Variants in GTF2IRD2B observed in about 807,000 individuals in gnomAD.
The protein encoded by GTF2IRD2B is general transcription factor II-I repeat domain-containing protein 2B.
GTF2IRD2B carries 10 observed loss-of-function variants against 55.6 expected under a neutral mutation model. That is an observed-to-expected ratio of 0.18 (90% CI 0.11 to 0.31). The LOEUF (loss-of-function observed/expected upper bound fraction) is 0.31, where lower values mean the gene tolerates loss of function less well. GTF2IRD2B is among the 10% of genes least tolerant of loss of function. The pLI, the probability that GTF2IRD2B is intolerant of heterozygous loss-of-function variation, is 1.00. For synonymous variants in GTF2IRD2B, 107 were observed against 320.5 expected, an observed-to-expected ratio of 0.33 and a Z score of 7.12; for missense variants, 206 against 802.7, an observed-to-expected ratio of 0.26 and a Z score of 8.98.
Position 75,114,094 on chromosome 7 carries a change from T to TAG in GTF2IRD2B, c.238+1581_238+1582dup, listed in dbSNP as rs781910109. On this transcript the variant is annotated intron_variant, in intron 3 of 15. Coordinates refer to ENST00000472837, the MANE Select transcript of GTF2IRD2B (RefSeq NM_001003795.3). The stretch of plus-strand genomic sequence containing the variant: ...TATATAGATAGATTAGATGAATGGA[T>TAG]AGAGAGAGAGAGAGAGAGAGAGATG... Among the ~76,000 whole-genome samples the TAG allele has an allele frequency of 5.6e-3, 799 of 142,218 alleles. 9 individuals carry two copies. Among genetic ancestry groups the TAG allele is most frequent in the Non-Finnish European group, 7.8e-3 (507 of 64,636 alleles). The allele number at this position is 142,218 out of a possible 152,430, so 93.3% of individuals were successfully genotyped here.
In GTF2IRD2B at chr7:75,149,693, T is replaced by TA. The variant is rs1809270871; in HGVS notation, c.*399dup. 5.1e-6 allele frequency: 1 copy of TA among 194,302 alleles called. No homozygotes were observed. The highest frequency in any genetic ancestry group is 1.0e-5 in the Non-Finnish European group (1 of 96,310). 12.0% of individuals were successfully genotyped at this position (194,302 alleles called of 1,614,324 possible). On this transcript the variant is annotated 3_prime_UTR_variant, in exon 16 of 16. Transcript: ENST00000472837. Reference sequence around the variant, plus strand: ...GTGCCCAGCTGACAAAATGAGTTCTTAAACTTTTTTTTTTTTTCAGTTTTT... The same window carrying TA: ...GTGCCCAGCTGACAAAATGAGTTCTTAAAACTTTTTTTTTTTTTCAGTTTTT...
At chr7:75,105,377 G>A (rs1448736998) in intron 1 of GTF2IRD2B, among the ~76,000 whole-genome samples, 16 of 152,406 alleles carry the variant, frequency 1.0e-4, no homozygotes, top group South Asian at 2.1e-4. Context: ...GGTGGCTCAC[G>A]CCTGCAATCC....
At chr7:75,132,617 C>T (rs1218546870) in intron 8 of GTF2IRD2B, among the ~76,000 whole-genome samples, 3 of 108,776 alleles carry the variant, frequency 2.8e-5, no homozygotes, top group Non-Finnish European at 5.0e-5. Context: ...TGCAGTGGCT[C>T]GATCTCAGCT....
chr7:75,132,521 C>T (rs587744758), intron 8 of GTF2IRD2B, among the ~76,000 whole-genome samples: 12 of 146,628 alleles, frequency 8.2e-5, no homozygotes, highest in African/African-American at 3.2e-4. Context: ...CTTCACGATG[C>T]CTTCCTTCAT....
chr7:75,123,757 A>C (rs1349537252), intron 6 of GTF2IRD2B: 1 of 610,556 alleles, frequency 1.6e-6, no homozygotes, highest in East Asian at 3.8e-5. Context: ...GGGCGCCTGT[A>C]GTCCCAGCTA....
At chr7:75,126,912 G>T (rs1172954121) in intron 8 of GTF2IRD2B, among the ~76,000 whole-genome samples, 5 of 150,102 alleles carry the variant, frequency 3.3e-5, no homozygotes, top group Admixed American at 6.7e-5. Flanking sequence ...CATAAGAATT[G>T]CTTGAGCCCG....
In GTF2IRD2B at chr7:75,092,745, G is replaced by C. The variant is rs1479214343; in HGVS notation, c.-26G>C. 3 of 153,112 alleles carry C rather than the reference G, an allele frequency of 2.0e-5. No individual in the cohort carries two copies. Among genetic ancestry groups the C allele is most frequent in the South Asian group, 3.5e-4 (2 of 5,680 alleles). The allele number at this position is 153,112 out of a possible 1,614,324, so 9.5% of individuals were successfully genotyped here. On this transcript the variant is annotated 5_prime_UTR_variant, in exon 1 of 16. Coordinates refer to ENST00000472837, the MANE Select transcript of GTF2IRD2B (RefSeq NM_001003795.3). Reference sequence around the variant, plus strand: ...AGGCCTCGGACTCCGCGGCCGGCCCGGCGCGGCCCAGCGCCCTCAGGTGCG... The same window carrying C: ...AGGCCTCGGACTCCGCGGCCGGCCCCGCGCGGCCCAGCGCCCTCAGGTGCG...
intron 8 of GTF2IRD2B, among the ~76,000 whole-genome samples, chr7:75,127,492 A>AG (rs1808563659): frequency 7.1e-6 from 1 of 140,282 alleles, no homozygotes; most frequent in African/African-American, 2.7e-5. Context: ...AAAAAAAAAA[A>AG]GAGAGAGAGA....
chr7:75,103,454 T>C (rs1255719322), intron 1 of GTF2IRD2B, among the ~76,000 whole-genome samples: 1 of 150,524 alleles, frequency 6.6e-6, no homozygotes, highest in African/African-American at 2.4e-5. Flanking sequence ...CTGGTGTTCA[T>C]TGTTAATTAA....
At chr7:75,121,830 G>A (rs371999217) in intron 4 of GTF2IRD2B, among the ~76,000 whole-genome samples, 1 of 131,686 alleles carries the variant, frequency 7.6e-6, no homozygotes, top group African/African-American at 2.9e-5. Context: ...GCTCAATCTC[G>A]GCTCACTGCA....
chr7:75,104,650 G>C (rs1807711901), intron 1 of GTF2IRD2B, among the ~76,000 whole-genome samples: 1 of 152,278 alleles, frequency 6.6e-6, no homozygotes. Context: ...AAAAGAATCA[G>C]GATGGAGCAT....
At chr7:75,147,231 G>A (rs1337869186) in intron 15 of GTF2IRD2B, among the ~76,000 whole-genome samples, 9 of 151,700 alleles carry the variant, frequency 5.9e-5, no homozygotes, top group Non-Finnish European at 1.3e-4. Context: ...TCAGGAGTTC[G>A]AGACCAGCCT....
rs587674208 is a variant in GTF2IRD2B at position 75,119,894 on chromosome 7, C to G, written c.239-997C>G. Among the ~76,000 whole-genome samples the G allele has an allele frequency of 9.1e-5, 10 of 110,022 alleles. No homozygotes were observed. The South Asian group carries it at 2.6e-3, about 29-fold the overall frequency. The allele number at this position is 110,022 out of a possible 152,430, so 72.2% of individuals were successfully genotyped here. ...CTGTAATCCCAGCACTTTGGGAGGC[C>G]GAGGCAGGCGGATCACGAGGTCAGG... is the stretch of plus-strand genomic sequence containing the variant. On this transcript the variant is annotated intron_variant, in intron 3 of 15. Transcript: ENST00000472837.
intron 1 of GTF2IRD2B, among the ~76,000 whole-genome samples, chr7:75,101,672 C>T (rs1807564080): frequency 6.6e-6 from 1 of 150,638 alleles, no homozygotes; most frequent in South Asian, 2.1e-4. Context: ...GAGGGTGGAT[C>T]ACCTGAGGTC....
At chr7:75,105,828 G>A (rs1807781170) in intron 1 of GTF2IRD2B, among the ~76,000 whole-genome samples, 1 of 152,310 alleles carries the variant, frequency 6.6e-6, no homozygotes. Flanking sequence ...TTTCTTGGTT[G>A]CACTAAAAGT....
intron 3 of GTF2IRD2B, 120 bp downstream of exon 3, chr7:75,112,655 T>A: frequency 6.3e-7 from 1 of 1,581,822 alleles, no homozygotes; most frequent in Non-Finnish European, 8.6e-7. Context: ...CTAACACATC[T>A]TCTTGGATTC....
chr7:75,102,429 GA>G (rs1807606447), intron 1 of GTF2IRD2B, among the ~76,000 whole-genome samples: 2 of 151,438 alleles, frequency 1.3e-5, no homozygotes, highest in African/African-American at 2.4e-5. Context: ...AATATGAATG[GA>G]ATTACATAAT....
At position 75,139,406 on chromosome 7, in the gene GTF2IRD2B, G is replaced by C. The variant is rs1336650862; in HGVS notation, c.949+379G>C. Among the ~76,000 whole-genome samples the C allele has an allele frequency of 7.5e-5, 3 of 39,930 alleles. 1 individual carries two copies. The highest frequency in any genetic ancestry group is 1.7e-4 in the African/African-American group (2 of 11,854). The allele number at this position is 39,930 out of a possible 152,430, so 26.2% of individuals were successfully genotyped here. On this transcript the variant is annotated intron_variant, in intron 12 of 15. Transcript: ENST00000472837. ...CCCAGCACTTTGGGAGGCTAAGACG[G>C]GCAGATCACGAGGTCAGGAGATCAA...
At chr7:75,130,091 C>CTCTTCTTTCTTTCTT in intron 8 of GTF2IRD2B, among the ~76,000 whole-genome samples, 1 of 77,610 alleles carries the variant, frequency 1.3e-5, no homozygotes, top group African/African-American at 4.7e-5. Flanking sequence ...AATTTATTTT[C>CTCTTCTTTCTTTCTT]TCTTTCTTTC....
Sources: gnomAD v4.1 joint callset for allele counts (sites outside exome capture counted in the v4.1 genomes callset) on GRCh38, gnomAD v4.1.1 for gene constraint, MANE v1.5 for transcripts, NCBI Gene and HGNC (gene_info 2026-07-23, HGNC 2026-07-21) for gene names.